The following AKAP12 variants were observed in gnomAD, a reference collection of about 807,000 sequenced individuals.
The protein encoded by AKAP12 is A-kinase anchor protein 12.
A neutral mutation model predicts 79.9 loss-of-function variants in AKAP12; 32 were observed. The ratio of observed to expected loss-of-function variants is 0.40; its 90% confidence interval spans 0.30 to 0.54. The LOEUF (loss-of-function observed/expected upper bound fraction) is 0.54. AKAP12 is among the 20% of genes least tolerant of loss of function. The pLI is 0.48. For missense variants in AKAP12, 2,074 were observed against 2,177.0 expected, an observed-to-expected ratio of 0.95 and a Z score of 0.94; for synonymous variants, 808 against 857.0, an observed-to-expected ratio of 0.94 and a Z score of 1.00.
At chr6:151,342,858 G>A (rs1186045344) in intron 3 of AKAP12, among the ~76,000 whole-genome samples, 1 of 152,146 alleles carries the variant, frequency 6.6e-6, no homozygotes, top group African/African-American at 2.4e-5. Flanking sequence ...CACCTCCCGG[G>A]TTCAAGTGAT....
chr6:151,319,443 G>GTCTA (rs59954289), intron 3 of AKAP12, among the ~76,000 whole-genome samples: 42,618 of 139,924 alleles, frequency 0.3, 6,563 homozygotes, highest in East Asian at 0.43. Context: ...ACAGGTGTCT[G>GTCTA]TCTATCTATC....
intron 2 of AKAP12, among the ~76,000 whole-genome samples, chr6:151,272,366 A>G (rs1434325416): frequency 1.3e-5 from 2 of 151,656 alleles, no homozygotes; most frequent in Admixed American, 1.3e-4. Context: ...AAAACAAAAA[A>G]AACAGTGGGG....
intron 2 of AKAP12, among the ~76,000 whole-genome samples, chr6:151,250,527 AG>A (rs2114683486): frequency 6.6e-6 from 1 of 152,042 alleles, no homozygotes; most frequent in Non-Finnish European, 1.5e-5. Flanking sequence ...AAATAAAATA[AG>A]AAAATGGGAA....
intron 3 of AKAP12, among the ~76,000 whole-genome samples, chr6:151,316,542 C>T (rs373632843): frequency 1.6e-4 from 24 of 152,300 alleles, no homozygotes; most frequent in Non-Finnish European, 2.8e-4. Flanking sequence ...CTCTTTTGCT[C>T]GCAGACGGCC....
In AKAP12 at chr6:151,242,132, C is replaced by A. The variant is rs376292161; in HGVS notation, c.162+1408C>A. On this transcript the variant is annotated intron_variant, in intron 2 of 4. Transcript: ENST00000402676. The stretch of plus-strand genomic sequence containing the variant: ...ATAATGTTTTGATGCCAGCTACTGT[C>A]AAAGTGGCTCTGTAACCAGTGGTCA... Among the ~76,000 whole-genome samples the A allele has an allele frequency of 3.9e-5, 6 of 152,290 alleles. No homozygotes were observed. The East Asian group carries it at 1.2e-3, about 29-fold the overall frequency.
At chr6:151,288,913 A>G (rs1453626285) in intron 2 of AKAP12, among the ~76,000 whole-genome samples, 1 of 152,226 alleles carries the variant, frequency 6.6e-6, no homozygotes, top group East Asian at 1.9e-4. Flanking sequence ...TGGCAGCTCT[A>G]AAAGCTCTTC....
At chr6:151,290,337 C>G (rs781020733) in intron 2 of AKAP12, among the ~76,000 whole-genome samples, 1 of 152,108 alleles carries the variant, frequency 6.6e-6, no homozygotes, top group Non-Finnish European at 1.5e-5. Flanking sequence ...GACACCATGA[C>G]GAGCTCAGTC....
In AKAP12 at chr6:151,334,783, G is replaced by T. The variant is rs949084154; in HGVS notation, c.320-13928G>T. 2.6e-5 allele frequency among the ~76,000 whole-genome samples: 4 copies of T among 150,944 alleles called. No individual in the cohort carries two copies. In the East Asian group the frequency reaches 8.1e-4, roughly 31 times the overall value. Reference sequence around the variant, plus strand: ...ACTACAGGCGCCCGCCACCATGTTCGGCTGATTTTTTGTATTTTTTTAGTA... The same window carrying T: ...ACTACAGGCGCCCGCCACCATGTTCTGCTGATTTTTTGTATTTTTTTAGTA... On this transcript the variant is annotated intron_variant, in intron 3 of 4. Transcript: ENST00000402676.
chr6:151,302,504 A>G (rs1776883827), intron 2 of AKAP12, among the ~76,000 whole-genome samples: 1 of 152,152 alleles, frequency 6.6e-6, no homozygotes, highest in Admixed American at 6.5e-5. Context: ...CCTGTGTGCT[A>G]TAGTCTTCAT....
chr6:151,272,359 AC>A (rs1429223147), intron 2 of AKAP12, among the ~76,000 whole-genome samples: 4,558 of 145,694 alleles, frequency 0.031, 354 homozygotes, highest in African/African-American at 0.11. Flanking sequence ...AAAAAAAAAA[AC>A]AAAAAAAACA....
At chr6:151,262,975 C>T (rs950980053) in intron 2 of AKAP12, among the ~76,000 whole-genome samples, 5 of 152,086 alleles carry the variant, frequency 3.3e-5, no homozygotes, top group African/African-American at 1.2e-4. Flanking sequence ...TTTTCTTTGC[C>T]TGCATGTAAA....
intron 3 of AKAP12, chr6:151,325,387 C>T (rs1295036089): frequency 2.0e-6 from 2 of 985,382 alleles, no homozygotes; most frequent in Non-Finnish European, 2.4e-6. Context: ...ATGAAGTAAC[C>T]GTTTAGATCC....
chr6:151,329,462 A>G (rs1777615085), intron 3 of AKAP12, among the ~76,000 whole-genome samples: 1 of 152,192 alleles, frequency 6.6e-6, no homozygotes, highest in Non-Finnish European at 1.5e-5. Flanking sequence ...CACCCACATT[A>G]CTGAAACTGA....
At chr6:151,281,883 A>G (rs1258490876) in intron 2 of AKAP12, among the ~76,000 whole-genome samples, 1 of 151,900 alleles carries the variant, frequency 6.6e-6, no homozygotes, top group Non-Finnish European at 1.5e-5. Flanking sequence ...ATTTTGATGT[A>G]GGGATGAGGT....
In AKAP12 at chr6:151,286,969, C is replaced by CG. The variant is rs1260273056; in HGVS notation, c.163-18777dup. On this transcript the variant is annotated intron_variant, in intron 2 of 4. Transcript: ENST00000402676. The stretch of plus-strand genomic sequence containing the variant: ...TTTTTTTTTTTTTGAGACGGAGTCT[C>CG]GCTCTGTTGCCCAGGCTGGAGTGCA... Among the ~76,000 whole-genome samples the CG allele has an allele frequency of 4.6e-5, 7 of 151,366 alleles. No individual in the cohort carries two copies. In the East Asian group the frequency reaches 1.4e-3, roughly 29 times the overall value.
chr6:151,341,057 CTT>C (rs11359622), intron 3 of AKAP12, among the ~76,000 whole-genome samples: 88 of 138,130 alleles, frequency 6.4e-4, no homozygotes, highest in Non-Finnish European at 6.2e-4. Context: ...TCTTTTTTTT[CTT>C]TTTTTTTTTT....
At chr6:151,311,540 CA>C (rs1280070576) in intron 3 of AKAP12, among the ~76,000 whole-genome samples, 9 of 151,930 alleles carry the variant, frequency 5.9e-5, no homozygotes, top group Admixed American at 1.3e-4. Flanking sequence ...AAATGAGAAA[CA>C]AAAACCCTCA....
At chr6:151,280,336 A>G (rs1776379020) in intron 2 of AKAP12, among the ~76,000 whole-genome samples, 2 of 152,022 alleles carry the variant, frequency 1.3e-5, no homozygotes, top group Non-Finnish European at 2.9e-5. Context: ...ATATTCATTT[A>G]TGCTTGTGCA....
At chr6:151,275,727 A>C (rs965018177) in intron 2 of AKAP12, among the ~76,000 whole-genome samples, 4 of 152,212 alleles carry the variant, frequency 2.6e-5, no homozygotes, top group African/African-American at 9.6e-5. Context: ...TTTTCCTACC[A>C]TCTGTTGTCA....
Sources: allele counts gnomAD v4.1 joint callset (sites outside exome capture counted in the v4.1 genomes callset), GRCh38; gene constraint gnomAD v4.1.1; transcripts MANE v1.5; gene names NCBI Gene and HGNC (gene_info 2026-07-23, HGNC 2026-07-21).